LAMA2: variants seen among roughly 807,000 people sequenced by gnomAD.
The protein encoded by LAMA2 is laminin subunit alpha 2.
In LAMA2, 269 loss-of-function variants were observed where a neutral mutation model predicts 364.8. The observed-to-expected ratio is 0.74, with a 90% CI of 0.67 to 0.82. The LOEUF (loss-of-function observed/expected upper bound fraction) is 0.82. Ranked by LOEUF, LAMA2 falls within the 40% of genes least tolerant of loss-of-function variation. The pLI is 0.00. For missense variants in LAMA2, 3,807 were observed against 3,873.2 expected, an observed-to-expected ratio of 0.98 and a Z score of 0.45; for synonymous variants, 1,379 against 1,370.6, an observed-to-expected ratio of 1.01 and a Z score of -0.14.
At chr6:129,399,695 G>A (rs1779856346) in intron 37 of LAMA2, among the ~76,000 whole-genome samples, 1 of 152,144 alleles carries the variant, frequency 6.6e-6, no homozygotes, top group Non-Finnish European at 1.5e-5. Context: ...AAGCCAAAGA[G>A]TAGGAAGAGC....
chr6:129,306,497 A>G (rs1360666381), intron 22 of LAMA2, among the ~76,000 whole-genome samples: 1 of 151,572 alleles, frequency 6.6e-6, no homozygotes, highest in African/African-American at 2.4e-5. Context: ...GTAGGATTAT[A>G]GTTTTCATCA....
At chr6:129,021,257 CATT>C (rs1159183037) in intron 1 of LAMA2, among the ~76,000 whole-genome samples, 2 of 152,116 alleles carry the variant, frequency 1.3e-5, no homozygotes, top group African/African-American at 4.8e-5. Flanking sequence ...TTATTTAGGA[CATT>C]ATGTTACCTA....
At chr6:129,468,957 G>T (rs1783677231) in intron 51 of LAMA2, among the ~76,000 whole-genome samples, 1 of 151,808 alleles carries the variant, frequency 6.6e-6, no homozygotes, top group Non-Finnish European at 1.5e-5. Flanking sequence ...TAGTTGAGGG[G>T]GTAGGAGGGG....
At chr6:128,972,311 C>T (rs1782234150) in intron 1 of LAMA2, among the ~76,000 whole-genome samples, 1 of 152,170 alleles carries the variant, frequency 6.6e-6, no homozygotes. Context: ...ACAGACCTGA[C>T]CTTAAACCTT....
chr6:129,246,385 GA>G (rs1443617161), intron 12 of LAMA2, among the ~76,000 whole-genome samples: 2 of 152,212 alleles, frequency 1.3e-5, no homozygotes, highest in African/African-American at 4.8e-5. Context: ...GAACCACCTT[GA>G]ATTAGTTATT....
At chr6:128,942,803 T>C (rs934123925) in intron 1 of LAMA2, among the ~76,000 whole-genome samples, 2 of 152,186 alleles carry the variant, frequency 1.3e-5, no homozygotes, top group African/African-American at 4.8e-5. Context: ...CCTGCCTCAG[T>C]TGCAGTTCAG....
intron 2 of LAMA2, among the ~76,000 whole-genome samples, chr6:129,054,689 TATA>T (rs1267149463): frequency 6.7e-6 from 1 of 148,468 alleles, no homozygotes; most frequent in Non-Finnish European, 1.5e-5. Flanking sequence ...AATATACTTA[TATA>T]ATATTAAATA....
chr6:128,987,313 T>C (rs1783322648), intron 1 of LAMA2, among the ~76,000 whole-genome samples: 1 of 151,924 alleles, frequency 6.6e-6, no homozygotes. Context: ...TTTTCTTTTT[T>C]TCGCATTTTT....
At chr6:129,494,466 G>A (rs962603823) in intron 58 of LAMA2, among the ~76,000 whole-genome samples, 5 of 152,114 alleles carry the variant, frequency 3.3e-5, no homozygotes, top group African/African-American at 1.2e-4. Flanking sequence ...TCTGAAAACT[G>A]GAAAAAGCAT....
At chr6:129,465,474 GC>G (rs1465366740) in intron 51 of LAMA2, among the ~76,000 whole-genome samples, 185 bp downstream of exon 51, 2 of 151,922 alleles carry the variant, frequency 1.3e-5, no homozygotes, top group Non-Finnish European at 2.9e-5. Context: ...TGATTGAAGA[GC>G]CAAATGCTTC....
intron 35 of LAMA2, among the ~76,000 whole-genome samples, chr6:129,390,283 T>C (rs1261777115): frequency 6.6e-6 from 1 of 152,010 alleles, no homozygotes; most frequent in Non-Finnish European, 1.5e-5. Flanking sequence ...AATCTGCATT[T>C]CTAATGGGCT....
chr6:129,360,441 C>A (rs1172374655), intron 32 of LAMA2, among the ~76,000 whole-genome samples: 1 of 152,140 alleles, frequency 6.6e-6, no homozygotes, highest in Non-Finnish European at 1.5e-5. Context: ...GTAAAGGGCA[C>A]TTTCCCCATG....
At chr6:129,398,623 C>A (rs1397187385) in intron 37 of LAMA2, among the ~76,000 whole-genome samples, 1 of 151,710 alleles carries the variant, frequency 6.6e-6, no homozygotes, top group Non-Finnish European at 1.5e-5. Context: ...TACAGGCATG[C>A]ACCACCACAC....
chr6:129,188,886 A>G (rs1583213687), intron 10 of LAMA2, among the ~76,000 whole-genome samples: 2 of 151,986 alleles, frequency 1.3e-5, no homozygotes, highest in South Asian at 2.1e-4. Context: ...TTTTCCTTAT[A>G]TGTTCTCAGA....
intron 1 of LAMA2, among the ~76,000 whole-genome samples, chr6:129,024,274 A>G (rs1159966815): frequency 6.6e-6 from 1 of 151,940 alleles, no homozygotes; most frequent in Non-Finnish European, 1.5e-5. Flanking sequence ...TAAAAAAAAA[A>G]GTAGGAAGCA....
At chr6:129,443,091 A>G in intron 44 of LAMA2, 23 bp downstream of exon 44, 3 of 1,571,382 alleles carry the variant, frequency 1.9e-6, no homozygotes, top group South Asian at 1.2e-5. Context: ...TTACTTATAT[A>G]CCTTTTAGTA....
Position 129,113,839 on chromosome 6 carries a change from A to G in LAMA2, c.639+15424A>G, listed in dbSNP as rs562972723. Among the ~76,000 whole-genome samples the G allele has an allele frequency of 7.2e-5, 11 of 152,022 alleles. No individual in the cohort carries two copies. The East Asian group carries it at 2.1e-3, about 29-fold the overall frequency. The stretch of plus-strand genomic sequence containing the variant: ...CCCTAGAGAGGGGAGGCTAGAAATA[A>G]CCATCATCCTCAGCTGTTCCATGGT... On this transcript the variant is annotated intron_variant, in intron 4 of 64. Coordinates refer to ENST00000421865, the MANE Select transcript of LAMA2 (RefSeq NM_000426.4).
At chr6:129,102,843 T>A (rs1267793230) in intron 4 of LAMA2, among the ~76,000 whole-genome samples, 1 of 152,250 alleles carries the variant, frequency 6.6e-6, no homozygotes, top group Non-Finnish European at 1.5e-5. Context: ...TTCAAATTTC[T>A]GGGACATTCA....
chr6:129,179,411 G>A (rs1414674330), intron 10 of LAMA2, among the ~76,000 whole-genome samples: 1 of 152,116 alleles, frequency 6.6e-6, no homozygotes, highest in Non-Finnish European at 1.5e-5. Context: ...CAGTGGTGAT[G>A]TCTGGTATTT....
Sources: allele counts gnomAD v4.1 joint callset (sites outside exome capture counted in the v4.1 genomes callset), GRCh38; gene constraint gnomAD v4.1.1; transcripts MANE v1.5; gene names NCBI Gene and HGNC (gene_info 2026-07-23, HGNC 2026-07-21).